BBOX1: variants seen among roughly 807,000 people sequenced by gnomAD.
BBOX1 encodes the protein gamma-butyrobetaine dioxygenase.
A neutral mutation model predicts 41.6 loss-of-function variants in BBOX1; 35 were observed. The observed-to-expected ratio is 0.84, with a 90% confidence interval of 0.64 to 1.11. The LOEUF (loss-of-function observed/expected upper bound fraction) is 1.11. Ranked by LOEUF, BBOX1 falls within the 50% of genes most tolerant of loss-of-function variation. The pLI, the probability that BBOX1 is intolerant of heterozygous loss-of-function variation, is 0.00. For synonymous variants in BBOX1, 163 were observed against 154.7 expected, an observed-to-expected ratio of 1.05 and a Z score of -0.40; for missense variants, 458 against 460.6, an observed-to-expected ratio of 0.99 and a Z score of 0.05.
intron 4 of BBOX1, among the ~76,000 whole-genome samples, chr11:27,085,541 A>G (rs1858002782): frequency 6.9e-6 from 1 of 145,614 alleles, no homozygotes; most frequent in African/African-American, 2.6e-5. Flanking sequence ...TTTACTGTCC[A>G]GCCACATTCC....
At chr11:27,099,005 A>G (rs1858546393) in intron 5 of BBOX1, among the ~76,000 whole-genome samples, 1 of 151,986 alleles carries the variant, frequency 6.6e-6, no homozygotes, top group African/African-American at 2.4e-5. Flanking sequence ...CACCTGACAC[A>G]CAATTACGTC....
intron 7 of BBOX1, among the ~76,000 whole-genome samples, chr11:27,123,405 T>G (rs942654984): frequency 4.6e-5 from 7 of 152,174 alleles, no homozygotes; most frequent in Non-Finnish European, 1.0e-4. Context: ...GCATAACCAT[T>G]CAAATCAAGG....
intron 2 of BBOX1, among the ~76,000 whole-genome samples, chr11:27,049,542 A>G (rs995370553): frequency 6.6e-6 from 1 of 152,060 alleles, no homozygotes; most frequent in Non-Finnish European, 1.5e-5. Context: ...GTACCACTGC[A>G]CCCAGCTGCC....
chr11:27,055,276 G>A (rs1469519168), intron 2 of BBOX1, 117 bp from the exon 3 acceptor site: 1 of 638,112 alleles, frequency 1.6e-6, no homozygotes, highest in African/African-American at 1.8e-5. Flanking sequence ...TCAAACCGCA[G>A]ACTCTGACAG....
At chr11:27,091,389 A>G (rs1191012878) in intron 4 of BBOX1, among the ~76,000 whole-genome samples, 1 of 151,974 alleles carries the variant, frequency 6.6e-6, no homozygotes, top group Non-Finnish European at 1.5e-5. Context: ...AAACCAACAA[A>G]TGACTATTGA....
At chr11:27,055,149 A>G (rs1223263945) in intron 2 of BBOX1, 2 of 299,398 alleles carry the variant, frequency 6.7e-6, no homozygotes, top group Non-Finnish European at 1.2e-5. Context: ...AAAACAAGGA[A>G]TTCTTTTCAT....
chr11:27,064,232 C>T (rs1319518868), intron 4 of BBOX1, among the ~76,000 whole-genome samples: 1 of 151,934 alleles, frequency 6.6e-6, no homozygotes, highest in African/African-American at 2.4e-5. Context: ...GTTAGGATGT[C>T]CCAACAGTAT....
intron 5 of BBOX1, among the ~76,000 whole-genome samples, chr11:27,094,325 C>T (rs993727363): frequency 2.0e-5 from 3 of 151,940 alleles, no homozygotes; most frequent in South Asian, 2.1e-4. Context: ...TTCTTGGGCT[C>T]ATAGAGTAGA....
chr11:27,076,956 T>C (rs1375523115), intron 4 of BBOX1, among the ~76,000 whole-genome samples: 1 of 152,016 alleles, frequency 6.6e-6, no homozygotes, highest in Non-Finnish European at 1.5e-5. Context: ...TCCTAAGCAG[T>C]CTATGTTCAG....
chr11:27,067,508 G>A (rs1857325197), intron 4 of BBOX1, among the ~76,000 whole-genome samples: 1 of 151,988 alleles, frequency 6.6e-6, no homozygotes, highest in South Asian at 2.1e-4. Context: ...GCCAAGGCAG[G>A]TGGATCACCT....
chr11:27,087,566 C>T (rs1172581039), intron 4 of BBOX1, among the ~76,000 whole-genome samples: 2 of 152,214 alleles, frequency 1.3e-5, no homozygotes. Context: ...CTGCATGACT[C>T]ACTTTCTTTA....
In BBOX1 at chr11:27,055,634, A is replaced by G; in HGVS notation, c.204A>G (p.Ile68Met). 6.2e-7 allele frequency: 1 copy of G among 1,612,852 alleles called. No individual in the cohort carries two copies. Among genetic ancestry groups the G allele is most frequent in the South Asian group, 1.1e-5 (1 of 91,008 alleles). The part of the protein sequence containing the change: ...LDVNIGIKGL[I>M]FDRKKVYITW... Reference sequence around the variant, plus strand: ...TGAACATTGGAATTAAAGGCTTGATATTTGACAGAAAAAAGGTAATTATCT... The same window carrying G: ...TGAACATTGGAATTAAAGGCTTGATGTTTGACAGAAAAAAGGTAATTATCT... Residue 68 changes from isoleucine to methionine, a missense_variant, in exon 3 of 9, where the codon ATA (isoleucine) becomes ATG (methionine). Ile to Met is a conservative substitution (Grantham distance 10). Transcript: ENST00000263182.
At chr11:27,081,542 G>A (rs1162450654) in intron 4 of BBOX1, among the ~76,000 whole-genome samples, 1 of 152,084 alleles carries the variant, frequency 6.6e-6, no homozygotes, top group African/African-American at 2.4e-5. Flanking sequence ...TTATAGTAGA[G>A]TGATTTATAA....
chr11:27,116,624 A>T (rs1859273598), intron 6 of BBOX1, among the ~76,000 whole-genome samples: 1 of 151,856 alleles, frequency 6.6e-6, no homozygotes, highest in Non-Finnish European at 1.5e-5. Context: ...TTGGCTTGGG[A>T]CAGATTGACT....
intron 3 of BBOX1, among the ~76,000 whole-genome samples, 179 bp downstream of exon 3, chr11:27,055,828 T>C (rs1310507734): frequency 6.6e-6 from 1 of 152,180 alleles, no homozygotes; most frequent in Non-Finnish European, 1.5e-5. Context: ...TCAGCTATTA[T>C]TATTACTATT....
chr11:27,075,590 C>G (rs1433148581), intron 4 of BBOX1, among the ~76,000 whole-genome samples: 2 of 152,104 alleles, frequency 1.3e-5, no homozygotes, highest in African/African-American at 4.8e-5. Context: ...GGAAAGCAAT[C>G]CACCTCCCAG....
intron 5 of BBOX1, among the ~76,000 whole-genome samples, chr11:27,106,749 T>C (rs987870339): frequency 9.8e-5 from 3 of 30,588 alleles, no homozygotes; most frequent in African/African-American, 4.2e-4. Flanking sequence ...AATAGACATC[T>C]ACAGAACTCT....
At chr11:27,093,142 G>A (rs772497358) in intron 4 of BBOX1, 26 bp from the exon 5 acceptor site, 1 of 1,599,760 alleles carries the variant, frequency 6.3e-7, no homozygotes, top group Non-Finnish European at 8.6e-7. Context: ...AATCCCATCT[G>A]ATTTCTTCAT....
At chr11:27,092,218 C>T (rs2134040731) in intron 4 of BBOX1, among the ~76,000 whole-genome samples, 1 of 152,002 alleles carries the variant, frequency 6.6e-6, no homozygotes, top group East Asian at 1.9e-4. Context: ...TATAAAATGA[C>T]ACATTCCCCA....
Sources: gnomAD v4.1 joint callset for allele counts (sites outside exome capture counted in the v4.1 genomes callset) on GRCh38, gnomAD v4.1.1 for gene constraint, MANE v1.5 for transcripts, NCBI Gene and HGNC (gene_info 2026-07-23, HGNC 2026-07-21) for gene names.